The following SLC4A4 variants were observed in gnomAD, a reference collection of about 807,000 sequenced individuals.
The protein encoded by SLC4A4 is electrogenic sodium bicarbonate cotransporter 1.
In SLC4A4, 27 loss-of-function variants were observed where a neutral mutation model predicts 111.5. The ratio of observed to expected loss-of-function variants is 0.24; its 90% CI spans 0.18 to 0.33. The LOEUF (loss-of-function observed/expected upper bound fraction) is 0.33, where lower values mean the gene tolerates loss of function less well. SLC4A4 is among the 10% of genes least tolerant of loss of function. The pLI, the probability that SLC4A4 is intolerant of heterozygous loss-of-function variation, is 1.00. For missense variants in SLC4A4, 909 were observed against 1,315.5 expected (o/e 0.69, Z 4.78); for synonymous variants, 443 against 463.4 (o/e 0.96, Z 0.57).
chr4:71,354,155 G>GA, intron 5 of SLC4A4, among the ~76,000 whole-genome samples: 1 of 151,922 alleles, frequency 6.6e-6, no homozygotes, highest in East Asian at 1.9e-4. Context: ...GTATGAAGCC[G>GA]AGTCTATGGG....
chr4:71,518,374 C>T (rs1732607429), intron 16 of SLC4A4, among the ~76,000 whole-genome samples: 2 of 152,094 alleles, frequency 1.3e-5, no homozygotes, highest in South Asian at 4.2e-4. Context: ...GGTGGAGCCA[C>T]AGGGACTGAC....
At chr4:71,125,581 A>G (rs1020288912) in intron 2 of SLC4A4, among the ~76,000 whole-genome samples, 1 of 152,216 alleles carries the variant, frequency 6.6e-6, no homozygotes, top group Non-Finnish European at 1.5e-5. Flanking sequence ...GCACCTAATC[A>G]GGTCTGACAA....
At chr4:71,165,645 T>C (rs771372729) in intron 2 of SLC4A4, among the ~76,000 whole-genome samples, 21 of 152,142 alleles carry the variant, frequency 1.4e-4, no homozygotes, top group Non-Finnish European at 2.8e-4. Flanking sequence ...ATGGCACATG[T>C]ATAGCTATGT....
At chr4:71,131,601 T>A (rs780881122) in intron 2 of SLC4A4, among the ~76,000 whole-genome samples, 1 of 152,206 alleles carries the variant, frequency 6.6e-6, no homozygotes. Context: ...AGATAAAGAA[T>A]CTGCACTTTA....
chr4:71,154,526 C>T (rs573059269), intron 2 of SLC4A4, among the ~76,000 whole-genome samples: 1 of 151,618 alleles, frequency 6.6e-6, no homozygotes, highest in East Asian at 1.9e-4. Flanking sequence ...GAATTACCTG[C>T]CCTTCCAGTG....
At chr4:71,338,965 C>A (rs1403309595) in intron 3 of SLC4A4, 5 of 983,576 alleles carry the variant, frequency 5.1e-6, no homozygotes, top group Non-Finnish European at 6.9e-6. Flanking sequence ...GATTGGGGTA[C>A]TTTGTTGTCC....
intron 25 of SLC4A4, 130 bp downstream of exon 25, chr4:71,567,213 C>A: frequency 1.3e-6 from 1 of 744,036 alleles, no homozygotes; most frequent in Non-Finnish European, 2.2e-6. Flanking sequence ...ATAAATTACC[C>A]AGTGACCAAA....
At chr4:71,504,573 C>T (rs530241680) in intron 16 of SLC4A4, among the ~76,000 whole-genome samples, 1 of 147,184 alleles carries the variant, frequency 6.8e-6, no homozygotes, top group Admixed American at 6.8e-5. Flanking sequence ...TCTCTCTGAG[C>T]TTCTTTAAGA....
intron 3 of SLC4A4, among the ~76,000 whole-genome samples, chr4:71,332,857 G>A (rs563271746): frequency 1.1e-4 from 16 of 152,278 alleles, no homozygotes; most frequent in Admixed American, 9.8e-4. Context: ...ATTTCCACTT[G>A]ATTTTTAAAA....
intron 2 of SLC4A4, among the ~76,000 whole-genome samples, chr4:71,240,039 A>G (rs1720083898): frequency 6.6e-6 from 1 of 152,186 alleles, no homozygotes; most frequent in African/African-American, 2.4e-5. Flanking sequence ...ACAACCACTC[A>G]CTTTTCGTTT....
chr4:71,334,615 G>T (rs1272623838), intron 3 of SLC4A4, among the ~76,000 whole-genome samples: 2 of 152,124 alleles, frequency 1.3e-5, no homozygotes, highest in Non-Finnish European at 2.9e-5. Context: ...TATGACACAC[G>T]ATTTTGGAAT....
chr4:71,219,109 C>T (rs1443959492), intron 1 of SLC4A4, among the ~76,000 whole-genome samples: 4 of 152,136 alleles, frequency 2.6e-5, no homozygotes, highest in African/African-American at 9.7e-5. Flanking sequence ...AAGAGTAGCA[C>T]GTCTCTCACT....
Position 71,567,079 on chromosome 4 carries a change from C to A in SLC4A4, c.*32C>A. Reference sequence around the variant, plus strand: ...TCCTTTCCTTCAGTCACTCGGTATGCCAAGGTAAAGGAGAGCCCAGTATTT... The same window carrying A: ...TCCTTTCCTTCAGTCACTCGGTATGACAAGGTAAAGGAGAGCCCAGTATTT... On this transcript the variant is annotated 3_prime_UTR_variant, in exon 25 of 26. Coordinates refer to ENST00000264485, the MANE Select transcript of SLC4A4 (RefSeq NM_001098484.3). The A allele has an allele frequency of 6.2e-7, 1 of 1,607,904 alleles. No individual in the cohort carries two copies. The highest frequency in any genetic ancestry group is 8.5e-7 in the Non-Finnish European group (1 of 1,175,964).
intron 2 of SLC4A4, among the ~76,000 whole-genome samples, chr4:71,169,937 C>A (rs1578546783): frequency 1.3e-5 from 2 of 152,184 alleles, no homozygotes; most frequent in Admixed American, 1.3e-4. Flanking sequence ...CTTCTCCAAA[C>A]CTCATTTCAT....
At chr4:71,415,931 C>G (rs1403153025) in intron 7 of SLC4A4, among the ~76,000 whole-genome samples, 1 of 152,206 alleles carries the variant, frequency 6.6e-6, no homozygotes, top group East Asian at 1.9e-4. Context: ...ATTTACTCTT[C>G]TTAATTCCAC....
chr4:71,189,774 G>A (rs1341306857), intron 1 of SLC4A4, among the ~76,000 whole-genome samples: 1 of 152,182 alleles, frequency 6.6e-6, no homozygotes, highest in South Asian at 2.1e-4. Context: ...TAAGTGTGGC[G>A]AGATACATAT....
chr4:71,530,996 T>C (rs1407886016), intron 16 of SLC4A4, among the ~76,000 whole-genome samples: 1 of 152,124 alleles, frequency 6.6e-6, no homozygotes, highest in African/African-American at 2.4e-5. Context: ...ATGAGCTTCA[T>C]GAGGACATGA....
upstream of SLC4A4, among the ~76,000 whole-genome samples, chr4:71,185,378 G>A (rs911825435): frequency 1.3e-5 from 2 of 152,334 alleles, no homozygotes; most frequent in East Asian, 1.9e-4. Flanking sequence ...GGGAGTGAAA[G>A]TTAATTTTAA....
At chr4:71,251,651 A>G (rs1187183013) in intron 2 of SLC4A4, among the ~76,000 whole-genome samples, 1 of 152,200 alleles carries the variant, frequency 6.6e-6, no homozygotes, top group Non-Finnish European at 1.5e-5. Context: ...GCACACCTAA[A>G]TGAACACTGT....
Sources: allele counts gnomAD v4.1 joint callset (sites outside exome capture counted in the v4.1 genomes callset), GRCh38; gene constraint gnomAD v4.1.1; transcripts MANE v1.5; gene names NCBI Gene and HGNC (gene_info 2026-07-23, HGNC 2026-07-21).